Variants in MED10 observed in about 807,000 individuals in gnomAD.
The protein encoded by MED10 is mediator of RNA polymerase II transcription subunit 10.
Under a neutral mutation model 17.2 loss-of-function variants are expected in MED10, and 9 were observed. The observed-to-expected ratio is 0.52, with a 90% CI of 0.31 to 0.91. The LOEUF is 0.91. Among genes scored for constraint, MED10 ranks in the 40% least tolerant of loss-of-function variants. The probability of loss-of-function intolerance (pLI) is 0.04; values close to 1 mark genes in which losing one functional copy is unlikely to be tolerated. For synonymous variants in MED10, 66 were observed against 59.8 expected, an observed-to-expected ratio of 1.10 and a Z score of -0.48; for missense variants, 129 against 164.8, an observed-to-expected ratio of 0.78 and a Z score of 1.19.
intron 2 of MED10, 29 bp downstream of exon 2, chr5:6,377,137 C>T: frequency 2.0e-6 from 3 of 1,487,362 alleles, no homozygotes; most frequent in South Asian, 1.2e-5. Context: ...AGATTTATAC[C>T]CAAGACTAAT....
At chr5:6,377,342 G>A (rs780384956) in intron 1 of MED10, 93 bp from the exon 2 acceptor site, 1 of 824,270 alleles carries the variant, frequency 1.2e-6, no homozygotes, top group Non-Finnish European at 1.9e-6. Flanking sequence ...GGGGCTCCAC[G>A]CAAGTTCGTT....
intron 1 of MED10, 140 bp from the exon 2 acceptor site, chr5:6,377,389 CT>C: frequency 4.3e-6 from 2 of 464,684 alleles, no homozygotes. Flanking sequence ...CGGTTCTGAC[CT>C]CTTTGGTTAG....
intron 1 of MED10, among the ~76,000 whole-genome samples, chr5:6,377,715 C>A (rs945434211): frequency 6.6e-6 from 1 of 152,172 alleles, no homozygotes; most frequent in African/African-American, 2.4e-5. Context: ...GGTATGGAAC[C>A]TCGAGTGCAA....
chr5:6,372,385 G>A lies in MED10; in HGVS notation c.*118C>T, dbSNP rs1484225444. On this transcript the variant is annotated 3_prime_UTR_variant, in exon 4 of 4. Coordinates refer to ENST00000255764, the MANE Select transcript of MED10 (RefSeq NM_032286.3). Reference sequence around the variant, plus strand: ...GCCAAACAATGAGGACAGAGGGGCTGAGGGGTGTGTCCAGGGCCCAGTCCC... The same window carrying A: ...GCCAAACAATGAGGACAGAGGGGCTAAGGGGTGTGTCCAGGGCCCAGTCCC... 10 of 787,926 alleles carry A rather than the reference G, an allele frequency of 1.3e-5. No homozygotes were observed. In the East Asian group the frequency reaches 2.2e-4, roughly 18 times the overall value. 48.8% of individuals were successfully genotyped at this position (787,926 alleles called of 1,614,324 possible).
At chr5:6,378,056 G>A (rs959893676) in intron 1 of MED10, among the ~76,000 whole-genome samples, 11 of 152,224 alleles carry the variant, frequency 7.2e-5, no homozygotes, top group African/African-American at 2.4e-4. Flanking sequence ...TTACACATGA[G>A]AGGGGAGACG....
intron 1 of MED10, 38 bp downstream of exon 1, chr5:6,378,324 C>G: frequency 1.9e-6 from 3 of 1,556,418 alleles, no homozygotes; most frequent in Non-Finnish European, 2.6e-6. Context: ...CCCGGCCAGG[C>G]CCTGGGGAGA....
rs778616373 is a variant in MED10, at chr5:6,378,506, A to G, written c.-23T>C. 6.2e-7 allele frequency: 1 copy of G among 1,603,774 alleles called. No individual in the cohort carries two copies. Among genetic ancestry groups the G allele is most frequent in the East Asian group, 2.2e-5 (1 of 44,454 alleles). ...CATCGCCTCGGCCCGTCCCCGACCCACACAGCCTCAACCAGCAGCGCCGCA... is the reference window on the plus strand; with the variant it reads ...CATCGCCTCGGCCCGTCCCCGACCCGCACAGCCTCAACCAGCAGCGCCGCA... On this transcript the variant is annotated 5_prime_UTR_variant, in exon 1 of 4. Transcript: ENST00000255764.
Position 6,374,400 on chromosome 5 carries a change from TG to T in MED10, c.232del (p.Gln78SerfsTer12). ...CTCCAGGCACTCTTTGGTGTAGAGCTGGGGATTTCGACCTTGATCTATATAT... is the reference window on the plus strand; with the variant it reads ...CTCCAGGCACTCTTTGGTGTAGAGCTGGGATTTCGACCTTGATCTATATAT... ...FEYIDQGRNP[Q>X]LYTKECLERA... On this transcript the variant is annotated frameshift_variant, in exon 3 of 4. Coordinates refer to ENST00000255764, the MANE Select transcript of MED10 (RefSeq NM_032286.3). LOFTEE classifies it high-confidence loss of function. 6.2e-7 allele frequency: 1 copy of T among 1,613,526 alleles called. No individual in the cohort carries two copies. Among genetic ancestry groups the T allele is most frequent in the Non-Finnish European group, 8.5e-7 (1 of 1,179,666 alleles).
In MED10 at chr5:6,372,246, A is replaced by C; in HGVS notation, c.*257T>G. The C allele has an allele frequency of 2.3e-6, 1 of 432,388 alleles. No homozygotes were observed. The highest frequency in any genetic ancestry group is 4.1e-6 in the Non-Finnish European group (1 of 244,206). The allele number at this position is 432,388 out of a possible 1,614,324, so 26.8% of individuals were successfully genotyped here. A position where few individuals can be genotyped will look rare whatever the true frequency, so the allele number is the denominator to read the frequency against. ...TGCGCCTCATCTGCCCTCAGAGAGA[A>C]TGATCCCCACAGTGATGAGGGGTCA... On this transcript the variant is annotated 3_prime_UTR_variant, in exon 4 of 4. Transcript: ENST00000255764.
chr5:6,374,195 GA>G, intron 3 of MED10, 128 bp downstream of exon 3: 1 of 660,188 alleles, frequency 1.5e-6, no homozygotes, highest in Non-Finnish European at 2.7e-6. Context: ...ACACAATTCA[GA>G]AATCTCAATA....
chr5:6,375,535 A>G (rs1209524988), intron 2 of MED10, among the ~76,000 whole-genome samples: 1 of 152,228 alleles, frequency 6.6e-6, no homozygotes, highest in Non-Finnish European at 1.5e-5. Context: ...ATTTCTCAAG[A>G]AAAACCTGAC....
At chr5:6,374,492 A>C in intron 2 of MED10, 66 bp from the exon 3 acceptor site, 1 of 1,162,184 alleles carries the variant, frequency 8.6e-7, no homozygotes, top group Admixed American at 1.7e-5. Flanking sequence ...GCTTTCTGAA[A>C]GGTATGGGGG....
Position 6,372,393 on chromosome 5 carries a change from T to G in MED10, c.*110A>C. 1.2e-6 allele frequency: 1 copy of G among 836,364 alleles called. No individual in the cohort carries two copies. The highest frequency in any genetic ancestry group is 2.0e-6 in the Non-Finnish European group (1 of 500,092). The allele number at this position is 836,364 out of a possible 1,614,324, so 51.8% of individuals were successfully genotyped here. A position where few individuals can be genotyped will look rare whatever the true frequency, so the allele number is the denominator to read the frequency against. On this transcript the variant is annotated 3_prime_UTR_variant, in exon 4 of 4. Transcript: ENST00000255764. The stretch of plus-strand genomic sequence containing the variant: ...ATGAGGACAGAGGGGCTGAGGGGTG[T>G]GTCCAGGGCCCAGTCCCACCTCAGC...
chr5:6,376,439 A>C (rs1298267369), intron 2 of MED10, among the ~76,000 whole-genome samples: 1 of 152,158 alleles, frequency 6.6e-6, no homozygotes, highest in Non-Finnish European at 1.5e-5. Flanking sequence ...TTTCGTCTTA[A>C]CTCTGACACT....
At chr5:6,377,463 T>C (rs1218929695) in intron 1 of MED10, among the ~76,000 whole-genome samples, 1 of 152,206 alleles carries the variant, frequency 6.6e-6, no homozygotes, top group Non-Finnish European at 1.5e-5. Context: ...TTACTTTCCT[T>C]CTCAACTAGA....
At chr5:6,377,114 C>T (rs1738010569) in intron 2 of MED10, 52 bp downstream of exon 2, 1 of 1,303,512 alleles carries the variant, frequency 7.7e-7, no homozygotes, top group African/African-American at 1.5e-5. Flanking sequence ...CGATACCACA[C>T]CATAACTGAA....
chr5:6,374,828 G>A (rs763699420), intron 2 of MED10: 6 of 173,886 alleles, frequency 3.5e-5, no homozygotes, highest in South Asian at 1.4e-4. Context: ...CCAGGGGTTC[G>A]GGCCTGGGTG....
At position 6,372,458 on chromosome 5, in the gene MED10, C is replaced by T. The variant is rs376965348; in HGVS notation, c.*45G>A. The stretch of plus-strand genomic sequence containing the variant: ...AGCACTCGCAGTCCCAGCCTCACGC[C>T]GCATCGCAGTCCCAGGGGATCTTCA... On this transcript the variant is annotated 3_prime_UTR_variant, in exon 4 of 4. Transcript: ENST00000255764. The T allele has an allele frequency of 5.2e-6, 8 of 1,543,320 alleles. No homozygotes were observed. The highest frequency in any genetic ancestry group is 1.7e-5 in the Admixed American group (1 of 59,862).
chr5:6,373,390 A>G (rs1737926343), intron 3 of MED10, among the ~76,000 whole-genome samples: 1 of 152,170 alleles, frequency 6.6e-6, no homozygotes, highest in Admixed American at 6.5e-5. Context: ...CCGGCAGAGG[A>G]GACAGAACAA....
Sources: allele counts gnomAD v4.1 joint callset (sites outside exome capture counted in the v4.1 genomes callset), GRCh38; gene constraint gnomAD v4.1.1; transcripts MANE v1.5; gene names NCBI Gene and HGNC (gene_info 2026-07-23, HGNC 2026-07-21).